OTOA: variants seen among roughly 807,000 people sequenced by gnomAD.
The protein encoded by OTOA is otoancorin.
OTOA carries 70 observed loss-of-function variants against 110.8 expected under a neutral mutation model. The ratio of observed to expected loss-of-function variants is 0.63; its 90% CI spans 0.52 to 0.77. The LOEUF (loss-of-function observed/expected upper bound fraction) is 0.77, where lower values mean the gene tolerates loss of function less well. Ranked by LOEUF, OTOA falls within the 30% of genes least tolerant of loss-of-function variation. The pLI is 0.00. For synonymous variants in OTOA, 373 were observed against 431.5 expected (o/e 0.86, Z 1.68); for missense variants, 917 against 1,075.8 (o/e 0.85, Z 2.06).
chr16:21,715,263 C>T (rs1898517935), intron 14 of OTOA, 111 bp downstream of exon 14: 3 of 1,437,974 alleles, frequency 2.1e-6, no homozygotes, highest in South Asian at 1.2e-5. Context: ...ATTGTCTCAG[C>T]TGTTGGTGTC....
chr16:21,678,688 TGCTGTAAGTTGTTTTTGGG>T, intron 2 of OTOA, 83 bp downstream of exon 2: 1 of 1,325,340 alleles, frequency 7.5e-7, no homozygotes, highest in Non-Finnish European at 1.1e-6. Context: ...AGGTACATGA[TGCTGTAAGTTGTTTTTGGG>T]CTGTGTGTGT....
chr16:21,702,552 C>T (rs1454745221), intron 11 of OTOA, among the ~76,000 whole-genome samples: 2 of 152,174 alleles, frequency 1.3e-5, no homozygotes, highest in African/African-American at 4.8e-5. Flanking sequence ...TTTACATCAC[C>T]TCTCTATACT....
intron 1 of OTOA, among the ~76,000 whole-genome samples, chr16:21,669,924 G>C (rs765920331): frequency 2.6e-5 from 4 of 152,134 alleles, no homozygotes; most frequent in Non-Finnish European, 5.9e-5. Context: ...TTAGGAGTTC[G>C]AGACCAGCCT....
intron 5 of OTOA, among the ~76,000 whole-genome samples, chr16:21,680,632 C>T (rs749810961): frequency 2.6e-5 from 4 of 151,898 alleles, no homozygotes; most frequent in Non-Finnish European, 4.4e-5. Context: ...GTAGGAGGAT[C>T]GCTTAAGGCC....
chr16:21,684,940 C>A (rs891431384), intron 6 of OTOA, among the ~76,000 whole-genome samples: 2 of 151,752 alleles, frequency 1.3e-5, no homozygotes, highest in African/African-American at 4.8e-5. Context: ...TTAGTAGAGA[C>A]GGGGTTTCAC....
Position 21,691,654 on chromosome 16 carries a change from A to G in OTOA, c.706A>G (p.Thr236Ala). The G allele has an allele frequency of 6.2e-7, 1 of 1,613,834 alleles. No individual in the cohort carries two copies. The highest frequency in any genetic ancestry group is 2.2e-5 in the East Asian group (1 of 44,872). Reference protein sequence around the residue: ...HSQRALYSWMTGILQTSSNAT... With the variant: ...HSQRALYSWMAGILQTSSNAT... ...CCAGAGAGCTCTCTATTCCTGGATG[A>G]CTGGAATACTGCAGACATCCTCCAA... Residue 236 changes from threonine (T) to alanine (A), a missense_variant, in exon 9 of 29, where the codon ACT (threonine) becomes GCT (alanine). Thr to Ala is a moderately conservative substitution (Grantham distance 58). Coordinates refer to ENST00000646100, the MANE Select transcript of OTOA (RefSeq NM_144672.4).
At chr16:21,750,185 C>T (rs201944795) in intron 24 of OTOA, among the ~76,000 whole-genome samples, 3,771 of 150,710 alleles carry the variant, frequency 0.025, no homozygotes, top group East Asian at 0.24. Flanking sequence ...GAGGCTGAAA[C>T]GGGCAGATCA....
At chr16:21,708,742 T>C (rs1567380350) in intron 12 of OTOA, among the ~76,000 whole-genome samples, 1 of 152,196 alleles carries the variant, frequency 6.6e-6, no homozygotes, top group Non-Finnish European at 1.5e-5. Flanking sequence ...AAACCCGTTT[T>C]GTGCACCTGC....
At chr16:21,682,719 T>C (rs1179439232) in intron 6 of OTOA, among the ~76,000 whole-genome samples, 1 of 152,208 alleles carries the variant, frequency 6.6e-6, no homozygotes, top group African/African-American at 2.4e-5. Context: ...GAGAAAGTTA[T>C]TCAGTTTAGC....
In OTOA at chr16:21,734,371, A is replaced by C. The variant is rs189533816; in HGVS notation, c.2302-1890A>C. ...AACAGCAGATACTGGGGCCTATTGG[A>C]GAGTGAAAGGTGGGAGGAGGGAGAA... is the stretch of plus-strand genomic sequence containing the variant. On this transcript the variant is annotated intron_variant, in intron 21 of 28. Transcript: ENST00000646100. Among the ~76,000 whole-genome samples the C allele has an allele frequency of 2.0e-5, 3 of 149,428 alleles. No homozygotes were observed. The East Asian group carries it at 6.0e-4, about 30-fold the overall frequency.
chr16:21,685,730 T>C (rs1897700725), intron 7 of OTOA, among the ~76,000 whole-genome samples: 2 of 151,832 alleles, frequency 1.3e-5, no homozygotes, highest in Admixed American at 1.3e-4. Flanking sequence ...GCCTGGCTAA[T>C]TTTTGTATTT....
At chr16:21,710,194 T>G in intron 13 of OTOA, 91 bp downstream of exon 13, 1 of 1,254,374 alleles carries the variant, frequency 8.0e-7, no homozygotes, top group Non-Finnish European at 1.1e-6. Flanking sequence ...TACTGTAGAT[T>G]GAGTGACGTA....
chr16:21,732,340 T>C (rs1220716247), intron 21 of OTOA, among the ~76,000 whole-genome samples: 3 of 152,218 alleles, frequency 2.0e-5, no homozygotes, highest in African/African-American at 7.2e-5. Flanking sequence ...TTTATTATTA[T>C]TTTTATTTTT....
chr16:21,701,152 C>T (rs1215769034), intron 11 of OTOA, 125 bp downstream of exon 11: 6 of 1,404,194 alleles, frequency 4.3e-6, no homozygotes, highest in Non-Finnish European at 5.9e-6. Flanking sequence ...TTGAATAGTC[C>T]CATATTTCTC....
At chr16:21,687,699 ACT>A (rs1897747664) in intron 8 of OTOA, 51 bp downstream of exon 8, 9 of 1,454,874 alleles carry the variant, frequency 6.2e-6, no homozygotes, top group Non-Finnish European at 7.4e-6. Flanking sequence ...ATGGAGTTTC[ACT>A]CTGTCGCCCA....
intron 1 of OTOA, among the ~76,000 whole-genome samples, chr16:21,675,314 T>TC (rs1228735849): frequency 9.5e-5 from 12 of 126,718 alleles, no homozygotes; most frequent in African/African-American, 3.7e-4. Flanking sequence ...GCTATTTTTT[T>TC]TTTTTTTTTT....
At chr16:21,734,863 G>C (rs1899236481) in intron 21 of OTOA, among the ~76,000 whole-genome samples, 1 of 151,822 alleles carries the variant, frequency 6.6e-6, no homozygotes, top group Admixed American at 6.6e-5. Flanking sequence ...ACACTGCCAG[G>C]CACAGTGGCT....
chr16:21,705,896 G>A (rs1435986977), intron 12 of OTOA, among the ~76,000 whole-genome samples: 1 of 151,810 alleles, frequency 6.6e-6, no homozygotes, highest in Non-Finnish European at 1.5e-5. Flanking sequence ...CTGAGATCGT[G>A]CCACTGCACT....
chr16:21,757,573 G>A (rs1403505029), intron 28 of OTOA, among the ~76,000 whole-genome samples: 32 of 152,236 alleles, frequency 2.1e-4, no homozygotes, highest in Non-Finnish European at 2.1e-4. Context: ...CATTTTAGCC[G>A]CTCCTTTGCA....
Sources: gnomAD v4.1 joint callset for allele counts (sites outside exome capture counted in the v4.1 genomes callset) on GRCh38, gnomAD v4.1.1 for gene constraint, MANE v1.5 for transcripts, NCBI Gene and HGNC (gene_info 2026-07-23, HGNC 2026-07-21) for gene names.